Variants in CNTN5 observed in about 807,000 individuals in gnomAD.
CNTN5 encodes the protein contactin-5.
A neutral mutation model predicts 129.1 loss-of-function variants in CNTN5; 77 were observed. That is an observed-to-expected ratio of 0.60 (90% confidence interval 0.50 to 0.72). CNTN5 has a LOEUF of 0.72. CNTN5 is among the 30% of genes least tolerant of loss of function. CNTN5 has a pLI of 0.00. For synonymous variants in CNTN5, 509 were observed against 465.6 expected (o/e 1.09, Z -1.20); for missense variants, 1,478 against 1,328.8 (o/e 1.11, Z -1.75).
intron 3 of CNTN5, among the ~76,000 whole-genome samples, chr11:99,812,854 A>T (rs370754275): frequency 1.3e-5 from 2 of 152,124 alleles, no homozygotes; most frequent in African/African-American, 4.8e-5. Context: ...GTAAGAATAC[A>T]AGATGTTGGC....
At chr11:100,250,189 T>C (rs1180101395) in intron 16 of CNTN5, among the ~76,000 whole-genome samples, 1 of 152,090 alleles carries the variant, frequency 6.6e-6, no homozygotes, top group Non-Finnish European at 1.5e-5. Context: ...GTCATTTTTA[T>C]TACCACTCTA....
intron 3 of CNTN5, among the ~76,000 whole-genome samples, chr11:99,729,052 G>C (rs1187351797): frequency 6.6e-6 from 1 of 152,124 alleles, no homozygotes. Flanking sequence ...AGTAAGGGAG[G>C]TTCAACGGTG....
chr11:99,504,652 T>C (rs1238939024), intron 2 of CNTN5, among the ~76,000 whole-genome samples: 1 of 152,222 alleles, frequency 6.6e-6, no homozygotes. Flanking sequence ...TATATATTTT[T>C]AATAGAACTT....
intron 1 of CNTN5, among the ~76,000 whole-genome samples, chr11:99,237,433 G>A (rs1159320317): frequency 1.3e-5 from 2 of 151,966 alleles, no homozygotes; most frequent in Non-Finnish European, 2.9e-5. Flanking sequence ...CTGTAATCCC[G>A]ACACTGTGGG....
At chr11:99,085,833 C>T (rs1865983205) in intron 1 of CNTN5, among the ~76,000 whole-genome samples, 1 of 152,000 alleles carries the variant, frequency 6.6e-6, no homozygotes, top group Admixed American at 6.6e-5. Flanking sequence ...TGAAAAATTC[C>T]CCCCTCCTAG....
intron 2 of CNTN5, among the ~76,000 whole-genome samples, chr11:99,374,247 T>C (rs375682385): frequency 1.1e-3 from 164 of 152,352 alleles, no homozygotes; most frequent in Non-Finnish European, 1.9e-3. Flanking sequence ...ACTTCACATT[T>C]GTTTTCTCTG....
intron 2 of CNTN5, among the ~76,000 whole-genome samples, chr11:99,349,232 G>A (rs1346094926): frequency 6.6e-6 from 1 of 152,156 alleles, no homozygotes; most frequent in African/African-American, 2.4e-5. Flanking sequence ...TGAACAAGGG[G>A]AAGCTTTCCT....
intron 3 of CNTN5, among the ~76,000 whole-genome samples, chr11:99,672,529 C>A (rs372579753): frequency 2.0e-5 from 3 of 151,538 alleles, no homozygotes; most frequent in Non-Finnish European, 2.9e-5. Context: ...GCTGTCCAAG[C>A]AAATTCTTAC....
chr11:99,395,721 A>G (rs1267533906), intron 2 of CNTN5, among the ~76,000 whole-genome samples: 1 of 151,794 alleles, frequency 6.6e-6, no homozygotes, highest in African/African-American at 2.4e-5. Flanking sequence ...TTTTTTGTAT[A>G]TGATGTAAGG....
intron 2 of CNTN5, among the ~76,000 whole-genome samples, chr11:99,353,793 G>T (rs1293989793): frequency 6.6e-6 from 1 of 152,026 alleles, no homozygotes; most frequent in African/African-American, 2.4e-5. Flanking sequence ...AATAAACCTT[G>T]TTTGATTACC....
chr11:99,805,705 A>ATTT (rs1246137456), intron 3 of CNTN5, among the ~76,000 whole-genome samples: 4 of 152,218 alleles, frequency 2.6e-5, no homozygotes, highest in African/African-American at 9.6e-5. Flanking sequence ...TTGGCTAAAC[A>ATTT]TGCTAGCAAG....
chr11:100,017,447 G>T (rs1253542854), intron 9 of CNTN5, among the ~76,000 whole-genome samples: 1 of 151,956 alleles, frequency 6.6e-6, no homozygotes, highest in Non-Finnish European at 1.5e-5. Context: ...TTCTTTCTTA[G>T]AGATAGTGGT....
intron 4 of CNTN5, among the ~76,000 whole-genome samples, chr11:99,833,119 G>C (rs1420191858): frequency 6.6e-6 from 1 of 152,142 alleles, no homozygotes; most frequent in African/African-American, 2.4e-5. Flanking sequence ...TCCTTTCTGA[G>C]AACCTGGCTG....
chr11:99,288,827 GT>G (rs1321250244), intron 1 of CNTN5, among the ~76,000 whole-genome samples: 1 of 151,704 alleles, frequency 6.6e-6, no homozygotes, highest in African/African-American at 2.4e-5. Context: ...CCTTAAGTGG[GT>G]AATTTAAAAA....
At chr11:99,388,819 G>T (rs1941073517) in intron 2 of CNTN5, among the ~76,000 whole-genome samples, 1 of 152,028 alleles carries the variant, frequency 6.6e-6, no homozygotes, top group Non-Finnish European at 1.5e-5. Context: ...GATAGGAACA[G>T]ATTTATCTCC....
intron 13 of CNTN5, among the ~76,000 whole-genome samples, chr11:100,151,464 G>A (rs1021888781): frequency 3.3e-5 from 5 of 151,992 alleles, no homozygotes; most frequent in African/African-American, 1.2e-4. Flanking sequence ...AGTTAGTTAT[G>A]GCAGTGAAGG....
chr11:100,004,891 T>TTCCTCTTGCCTTCTCATC (rs1304804958), intron 9 of CNTN5, among the ~76,000 whole-genome samples: 1 of 152,172 alleles, frequency 6.6e-6, no homozygotes, highest in Non-Finnish European at 1.5e-5. Context: ...TGACTTCTTT[T>TTCCTCTTGCCTTCTCATC]TCCTCTTGCC....
At position 100,238,096 on chromosome 11, in the gene CNTN5, A is replaced by G. The variant is rs141007859; in HGVS notation, c.2005+13284A>G. Among the ~76,000 whole-genome samples the G allele has an allele frequency of 3.4e-3, 515 of 152,310 alleles. 15 individuals are homozygous for G. The East Asian group carries it at 0.04, about 12-fold the overall frequency. On this transcript the variant is annotated intron_variant, in intron 16 of 24. Coordinates refer to ENST00000524871, the MANE Select transcript of CNTN5 (RefSeq NM_014361.4). ...AGTAAAGGTGCATAAATTCAAGGTG[A>G]GCAAAAAGTAGTGGAGAAAAGGTCT...
At chr11:99,785,636 G>T (rs1945493164) in intron 3 of CNTN5, among the ~76,000 whole-genome samples, 1 of 152,036 alleles carries the variant, frequency 6.6e-6, no homozygotes, top group Non-Finnish European at 1.5e-5. Context: ...ACATTGAAAA[G>T]CTTATCCACC....
Sources: allele counts gnomAD v4.1 joint callset (sites outside exome capture counted in the v4.1 genomes callset), GRCh38; gene constraint gnomAD v4.1.1; transcripts MANE v1.5; gene names NCBI Gene and HGNC (gene_info 2026-07-23, HGNC 2026-07-21).